The following ABCA3 variants were observed in gnomAD, a reference collection of about 807,000 sequenced individuals.
ABCA3 encodes ATP binding cassette subfamily A member 3.
In ABCA3, 88 loss-of-function variants were observed where a neutral mutation model predicts 172.8. The observed-to-expected ratio is 0.51, with a 90% confidence interval of 0.43 to 0.61. The LOEUF (loss-of-function observed/expected upper bound fraction) is 0.61. Ranked by LOEUF, ABCA3 falls within the 20% of genes least tolerant of loss-of-function variation. The probability of loss-of-function intolerance (pLI) is 0.00; values close to 1 mark genes in which losing one functional copy is unlikely to be tolerated. For synonymous variants in ABCA3, 1,066 were observed against 983.8 expected, an observed-to-expected ratio of 1.08 and a Z score of -1.56; for missense variants, 2,164 against 2,301.0, an observed-to-expected ratio of 0.94 and a Z score of 1.22.
intron 8 of ABCA3, 28 bp from the exon 9 acceptor site, chr16:2,317,792 G>C: frequency 6.2e-7 from 1 of 1,607,240 alleles, no homozygotes; most frequent in Non-Finnish European, 8.5e-7. Flanking sequence ...CACGCTGCTG[G>C]GGGCCCGTCA....
rs994877710 is a variant in ABCA3 at position 2,288,345 on chromosome 16, C to T, written c.2701-16G>A. ...GCAGGGCGAGCTGCGGCAGAGGGGA[C>T]GCAGGTGACACCGGCACCGCTTGGG... On this transcript the variant is annotated splice_polypyrimidine_tract_variant and intron_variant, in intron 20 of 32. Transcript: ENST00000301732. 5.5e-5 allele frequency: 85 copies of T among 1,541,988 alleles called. No individual in the cohort carries two copies. The highest frequency in any genetic ancestry group is 7.8e-5 in the Admixed American group (4 of 51,532).
intron 14 of ABCA3, among the ~76,000 whole-genome samples, 153 bp from the exon 15 acceptor site, chr16:2,298,693 CT>C (rs1306316688): frequency 6.6e-6 from 1 of 152,068 alleles, no homozygotes; most frequent in Non-Finnish European, 1.5e-5. Context: ...CTGGGGTGGG[CT>C]TTGGCTGGGC....
In ABCA3 at chr16:2,281,589, A is replaced by T; in HGVS notation, c.4036-80T>A. The T allele has an allele frequency of 1.8e-6, 2 of 1,114,658 alleles. No individual in the cohort carries two copies. The highest frequency in any genetic ancestry group is 2.6e-6 in the Non-Finnish European group (2 of 774,270). The allele number at this position is 1,114,658 out of a possible 1,614,324, so 69.0% of individuals were successfully genotyped here. On this transcript the variant is annotated intron_variant, in intron 26 of 32. Transcript: ENST00000301732. This position sits in a 1 kb window ranked among gnomAD's most constrained non-coding sequence, Gnocchi z 4.7. ...GTGGAGAAGGGAGGGGCGGGGGTGG[A>T]TGTGGGAGGTCTGGTGGGACTAAGG... is the stretch of plus-strand genomic sequence containing the variant.
chr16:2,336,997 TG>T (rs1312167984), intron 1 of ABCA3, among the ~76,000 whole-genome samples: 3 of 151,842 alleles, frequency 2.0e-5, no homozygotes, highest in Admixed American at 1.3e-4. Flanking sequence ...ACTGCATTCT[TG>T]AATTCCCAGG....
chr16:2,301,797 C>T (rs1294208591), intron 12 of ABCA3, among the ~76,000 whole-genome samples: 1 of 151,886 alleles, frequency 6.6e-6, no homozygotes, highest in Non-Finnish European at 1.5e-5. Context: ...CAGAATGGAA[C>T]ACTGTGTGTC....
chr16:2,320,844 C>G lies in ABCA3; in HGVS notation c.614-1004G>C, dbSNP rs142690556. Among the ~76,000 whole-genome samples the G allele has an allele frequency of 4.5e-3, 692 of 152,254 alleles. 2 individuals are homozygous for G. Among genetic ancestry groups the G allele is most frequent in the Non-Finnish European group, 7.3e-3 (498 of 68,022 alleles). On this transcript the variant is annotated intron_variant, in intron 7 of 32. Transcript: ENST00000301732. Reference sequence around the variant, plus strand: ...GGGCTTTACTAGGAGCTTGTTTTTCCAGCCAACTTTTCTTCCCCCTCAGGT... The same window carrying G: ...GGGCTTTACTAGGAGCTTGTTTTTCGAGCCAACTTTTCTTCCCCCTCAGGT...
At position 2,281,414 on chromosome 16, in the gene ABCA3, G is replaced by T; in HGVS notation, c.4131C>A (p.Leu1377=). The T allele has an allele frequency of 6.2e-7, 1 of 1,613,782 alleles. No homozygotes were observed. The highest frequency in any genetic ancestry group is 8.5e-7 in the Non-Finnish European group (1 of 1,180,004). The part of the protein sequence containing the change: ...RILAPSPDSL[L]HTPLIIKELS... ...GCTCCTTGATAATCAGAGGTGTGTGGAGCAGGGAGTCCGGACTGGGGGCCA... is the reference window on the plus strand; with the variant it reads ...GCTCCTTGATAATCAGAGGTGTGTGTAGCAGGGAGTCCGGACTGGGGGCCA... The change falls in exon 27 of 33, where the codon CTC becomes CTA. Residue 1377 remains leucine (L), a synonymous_variant. Coordinates refer to ENST00000301732, the MANE Select transcript of ABCA3 (RefSeq NM_001089.3). The surrounding 1 kb of genome is among the most constrained non-coding windows in gnomAD (Gnocchi z 4.7).
At position 2,276,543 on chromosome 16, in the gene ABCA3, G is replaced by A. The variant is rs1416546336; in HGVS notation, c.*131C>T. On this transcript the variant is annotated 3_prime_UTR_variant, in exon 33 of 33. Transcript: ENST00000301732. ...TCGTCCATTCTGTGCATACTGCCTT[G>A]AATTTTTCATATCCATCATAGAAAA... 3 of 1,460,634 alleles carry A rather than the reference G, an allele frequency of 2.1e-6. No individual in the cohort carries two copies. Among genetic ancestry groups the A allele is most frequent in the Non-Finnish European group, 2.8e-6 (3 of 1,086,716 alleles). 90.5% of individuals were successfully genotyped at this position (1,460,634 alleles called of 1,614,324 possible).
rs926410170 is a variant in ABCA3, at chr16:2,300,257, C to T, written c.1468-109G>A. The T allele has an allele frequency of 2.2e-5, 33 of 1,486,152 alleles. 1 individual carries two copies. The highest frequency in any genetic ancestry group is 1.1e-4 in the African/African-American group (8 of 71,780). The allele number at this position is 1,486,152 out of a possible 1,614,324, so 92.1% of individuals were successfully genotyped here. A position where few individuals can be genotyped will look rare whatever the true frequency, so the allele number is the denominator to read the frequency against. On this transcript the variant is annotated intron_variant, in intron 12 of 32. Coordinates refer to ENST00000301732, the MANE Select transcript of ABCA3 (RefSeq NM_001089.3). The stretch of plus-strand genomic sequence containing the variant: ...CCATGCAGCCTCTGTCCCAGGACTT[C>T]GAGGCACTGCTGTGGAGAAGGCGCT...
intron 14 of ABCA3, among the ~76,000 whole-genome samples, 187 bp downstream of exon 14, chr16:2,299,216 G>T (rs550946954): frequency 6.6e-6 from 1 of 151,332 alleles, no homozygotes; most frequent in Non-Finnish European, 1.5e-5. Flanking sequence ...GGCATGTCCC[G>T]GACAGAGGCG....
intron 11 of ABCA3, among the ~76,000 whole-genome samples, chr16:2,307,007 A>T: frequency 8.0e-6 from 1 of 125,358 alleles, no homozygotes; most frequent in South Asian, 2.7e-4. Context: ...AGAGTGAGAG[A>T]CTCCGTCTCA....
Position 2,287,057 on chromosome 16 carries a change from T to A in ABCA3, c.3005-90A>T. On this transcript the variant is annotated intron_variant, in intron 21 of 32. Coordinates refer to ENST00000301732, the MANE Select transcript of ABCA3 (RefSeq NM_001089.3). This position sits in a 1 kb window ranked among gnomAD's most constrained non-coding sequence, Gnocchi z 4.1. ...TGAGCATGGCTAATCAGGGACCCAA[T>A]AGAGTGGTGCCAGCATCCTCTGAGC... The A allele has an allele frequency of 2.8e-6, 4 of 1,451,504 alleles. No homozygotes were observed. Among genetic ancestry groups the A allele is most frequent in the Non-Finnish European group, 3.8e-6 (4 of 1,062,586 alleles). 89.9% of individuals were successfully genotyped at this position (1,451,504 alleles called of 1,614,324 possible).
chr16:2,315,471 G>T (rs1332183976), intron 10 of ABCA3, among the ~76,000 whole-genome samples: 3 of 152,042 alleles, frequency 2.0e-5, no homozygotes, highest in African/African-American at 7.2e-5. Flanking sequence ...CAGGAGTGAG[G>T]GCAAAATACA....
At position 2,313,392 on chromosome 16, in the gene ABCA3, T is replaced by C. The variant is rs1427478696; in HGVS notation, c.1111+3891A>G. ...CAACATGGTGAAACCCCGTTTCTAC[T>C]AAAAATACAAAATTAGCTGGGCATG... On this transcript the variant is annotated intron_variant, in intron 10 of 32. Transcript: ENST00000301732. 4.7e-5 allele frequency among the ~76,000 whole-genome samples: 7 copies of C among 147,838 alleles called. No individual in the cohort carries two copies. In the East Asian group the frequency reaches 1.2e-3, roughly 26 times the overall value.
chr16:2,304,824 C>T (rs535130329), intron 11 of ABCA3, among the ~76,000 whole-genome samples: 33 of 152,012 alleles, frequency 2.2e-4, no homozygotes, highest in African/African-American at 7.0e-4. Context: ...TACAGGCGCC[C>T]GCCACCGTGC....
At position 2,284,119 on chromosome 16, in the gene ABCA3, G is replaced by C; in HGVS notation, c.3862+160C>G. The C allele has an allele frequency of 2.2e-6, 2 of 889,224 alleles. No individual in the cohort carries two copies. The highest frequency in any genetic ancestry group is 1.7e-6 in the Non-Finnish European group (1 of 602,378). The allele number at this position is 889,224 out of a possible 1,614,324, so 55.1% of individuals were successfully genotyped here. A position where few individuals can be genotyped will look rare whatever the true frequency, so the allele number is the denominator to read the frequency against. The stretch of plus-strand genomic sequence containing the variant: ...ACAGGGCCTGGGAGCGAGCGGGCGC[G>C]AGGGGGCTGCTGTGGGAGGTGGGGC... On this transcript the variant is annotated intron_variant, in intron 25 of 32. Coordinates refer to ENST00000301732, the MANE Select transcript of ABCA3 (RefSeq NM_001089.3). This position sits in a 1 kb window ranked among gnomAD's most constrained non-coding sequence, Gnocchi z 5.9.
chr16:2,338,301 C>A (rs1260897217), intron 1 of ABCA3, among the ~76,000 whole-genome samples: 1 of 152,220 alleles, frequency 6.6e-6, no homozygotes, highest in Non-Finnish European at 1.5e-5. Context: ...CCTCACTCTT[C>A]CCCACAAGAT....
intron 18 of ABCA3, among the ~76,000 whole-genome samples, chr16:2,293,486 C>A (rs1318809442): frequency 2.0e-5 from 3 of 151,312 alleles, no homozygotes; most frequent in African/African-American, 7.3e-5. Context: ...ATCCTCTCAC[C>A]TCAGCCTCCC....
chr16:2,285,725 G>A lies in ABCA3; in HGVS notation c.3279-79C>T, dbSNP rs45617833. Reference sequence around the variant, plus strand: ...AGAGGTCGGGTTCTCGGTTATGACCGCCCAAGGCATGCAGGGCAGCAGCCC... The same window carrying A: ...AGAGGTCGGGTTCTCGGTTATGACCACCCAAGGCATGCAGGGCAGCAGCCC... On this transcript the variant is annotated intron_variant, in intron 22 of 32. Transcript: ENST00000301732. This position sits in a 1 kb window ranked among gnomAD's most constrained non-coding sequence, Gnocchi z 4.7. The A allele has an allele frequency of 2.5e-4, 358 of 1,416,598 alleles. 4 individuals are homozygous for A. In the African/African-American group the frequency reaches 4.3e-3, roughly 17 times the overall value. 87.8% of individuals were successfully genotyped at this position (1,416,598 alleles called of 1,614,324 possible). A position where few individuals can be genotyped will look rare whatever the true frequency, so the allele number is the denominator to read the frequency against.
Sources: gnomAD v4.1 joint callset for allele counts (sites outside exome capture counted in the v4.1 genomes callset) on GRCh38, gnomAD v4.1.1 for gene constraint, Gnocchi (gnomAD v3.1) non-coding constraint, MANE v1.5 for transcripts, NCBI Gene and HGNC (gene_info 2026-07-23, HGNC 2026-07-21) for gene names.